ETV6: variants seen among roughly 807,000 people sequenced by gnomAD.
ETV6 encodes ETS variant transcription factor 6.
ETV6 carries 16 observed loss-of-function variants against 51.1 expected under a neutral mutation model. The observed-to-expected ratio is 0.31, with a 90% CI of 0.21 to 0.48. ETV6 has a LOEUF of 0.48. ETV6 is among the 20% of genes least tolerant of loss of function. ETV6 has a pLI of 0.99. For missense variants in ETV6, 458 were observed against 594.8 expected, an observed-to-expected ratio of 0.77 and a Z score of 2.39; for synonymous variants, 240 against 224.1, an observed-to-expected ratio of 1.07 and a Z score of -0.64.
At chr12:11,844,774 AGT>A (rs1946436481) in intron 3 of ETV6, among the ~76,000 whole-genome samples, 1 of 151,174 alleles carries the variant, frequency 6.6e-6, no homozygotes, top group African/African-American at 2.4e-5. Flanking sequence ...AAAAAAAAAA[AGT>A]GTATCACACA....
chr12:11,732,850 A>C (rs1196899468), intron 1 of ETV6, among the ~76,000 whole-genome samples: 1 of 152,226 alleles, frequency 6.6e-6, no homozygotes, highest in Non-Finnish European at 1.5e-5. Flanking sequence ...TACAAGTTTC[A>C]AAAAATATAT....
chr12:11,844,592 G>A (rs1421351693), intron 3 of ETV6, among the ~76,000 whole-genome samples: 1 of 152,152 alleles, frequency 6.6e-6, no homozygotes, highest in Non-Finnish European at 1.5e-5. Context: ...AGGTTTGCCA[G>A]ATTGAAGGGC....
intron 2 of ETV6, among the ~76,000 whole-genome samples, chr12:11,809,810 T>C (rs1945886198): frequency 6.9e-6 from 1 of 145,818 alleles, no homozygotes; most frequent in South Asian, 2.2e-4. Flanking sequence ...ATAGAGCTTC[T>C]GCTTTTTTTT....
intron 2 of ETV6, among the ~76,000 whole-genome samples, chr12:11,811,480 C>CTCCTTT (rs1945912578): frequency 6.6e-6 from 1 of 152,070 alleles, no homozygotes; most frequent in Admixed American, 6.6e-5. Flanking sequence ...TAGCAGTTTA[C>CTCCTTT]TCCTTGAGCA....
In ETV6 at chr12:11,672,718, G is replaced by A. The variant is rs1014771221; in HGVS notation, c.33+22558G>A. 2.6e-5 allele frequency among the ~76,000 whole-genome samples: 4 copies of A among 152,190 alleles called. No individual in the cohort carries two copies. In the East Asian group the frequency reaches 5.8e-4, roughly 22 times the overall value. ...GAAATCTCACTGACCCCCACCACAC[G>A]TGTTAACAGCAGGGCCACTGCTCTG... On this transcript the variant is annotated intron_variant, in intron 1 of 7. Transcript: ENST00000396373.
At chr12:11,721,599 A>G (rs116616842) in intron 1 of ETV6, among the ~76,000 whole-genome samples, 2,791 of 152,310 alleles carry the variant, frequency 0.018, 86 homozygotes, top group African/African-American at 0.063. Context: ...GAGGGGGTTA[A>G]TGAGTCAGAA....
Position 11,859,136 on chromosome 12 carries a change from T to C in ETV6, c.463+5575T>C, listed in dbSNP as rs1465100164. On this transcript the variant is annotated intron_variant, in intron 4 of 7. Transcript: ENST00000396373. The stretch of plus-strand genomic sequence containing the variant: ...TGAATCTGGTTTTTTTTTTTTTTTT[T>C]TTTTTTTTTTTTTTTTTTTTTTTGA... Among the ~76,000 whole-genome samples, 106 of 96,262 alleles carry C rather than the reference T, an allele frequency of 1.1e-3. 15 individuals carry two copies. The highest frequency in any genetic ancestry group is 4.5e-3 in the African/African-American group (93 of 20,722). The allele number at this position is 96,262 out of a possible 152,430, so 63.2% of individuals were successfully genotyped here.
rs980048151 is a variant in ETV6 at position 11,836,792 on chromosome 12, G to C, written c.164-2348G>C. Among the ~76,000 whole-genome samples the C allele has an allele frequency of 2.0e-5, 3 of 151,424 alleles. 1 individual carries two copies. The highest frequency in any genetic ancestry group is 4.4e-5 in the Non-Finnish European group (3 of 67,958). On this transcript the variant is annotated intron_variant, in intron 2 of 7. Transcript: ENST00000396373. ...CCAAGCAGGATTCAGTTCTGTATTT[G>C]CTTTGGGGCCCATGTTTCCAATAAG...
At chr12:11,873,382 G>T (rs1418989184) in intron 5 of ETV6, among the ~76,000 whole-genome samples, 1 of 152,152 alleles carries the variant, frequency 6.6e-6, no homozygotes, top group Non-Finnish European at 1.5e-5. Flanking sequence ...AATTGATTCT[G>T]TTTATTGGAG....
intron 1 of ETV6, among the ~76,000 whole-genome samples, chr12:11,663,823 A>T (rs570483257): frequency 6.6e-6 from 1 of 152,142 alleles, no homozygotes; most frequent in East Asian, 1.9e-4. Context: ...CTGAAAAAAT[A>T]AAGTGTTGTT....
At chr12:11,755,080 T>C (rs1006038085) in intron 2 of ETV6, among the ~76,000 whole-genome samples, 11 of 152,170 alleles carry the variant, frequency 7.2e-5, no homozygotes, top group Non-Finnish European at 1.5e-4. Context: ...TTAGTAAATA[T>C]TTATTGGATG....
intron 1 of ETV6, among the ~76,000 whole-genome samples, chr12:11,687,936 T>C (rs1468532358): frequency 6.6e-6 from 1 of 152,260 alleles, no homozygotes; most frequent in Non-Finnish European, 1.5e-5. Flanking sequence ...TCCCGTGTGC[T>C]AAGTACTGAT....
At chr12:11,838,814 A>G (rs1946350499) in intron 2 of ETV6, among the ~76,000 whole-genome samples, 1 of 152,242 alleles carries the variant, frequency 6.6e-6, no homozygotes, top group South Asian at 2.1e-4. Context: ...GCAGGTCTCT[A>G]AGACCTACCA....
rs1044569974 is a variant in ETV6 at position 11,887,952 on chromosome 12, T to C, written c.1253+1926T>C. On this transcript the variant is annotated intron_variant, in intron 7 of 7. Coordinates refer to ENST00000396373, the MANE Select transcript of ETV6 (RefSeq NM_001987.5). ...TTCTGTGTTGCAGGGGCTAGAAGCC[T>C]GGGAACTACATTTCCCAGAAGGGAC... Among the ~76,000 whole-genome samples, 6 of 152,148 alleles carry C rather than the reference T, an allele frequency of 3.9e-5. No homozygotes were observed. In the East Asian group the frequency reaches 1.2e-3, roughly 29 times the overall value.
chr12:11,682,036 G>A (rs1864540516), intron 1 of ETV6, among the ~76,000 whole-genome samples: 1 of 152,172 alleles, frequency 6.6e-6, no homozygotes, highest in Non-Finnish European at 1.5e-5. Context: ...ACATACGTGT[G>A]CATGTGTCTT....
intron 1 of ETV6, among the ~76,000 whole-genome samples, chr12:11,696,869 T>C (rs999899678): frequency 2.0e-5 from 3 of 152,174 alleles, no homozygotes; most frequent in African/African-American, 7.2e-5. Flanking sequence ...TACTAAATAT[T>C]GTATTTCCTC....
At chr12:11,669,373 TCCTC>T (rs1555112288) in intron 1 of ETV6, among the ~76,000 whole-genome samples, 3,266 of 129,430 alleles carry the variant, frequency 0.025, 175 homozygotes, top group African/African-American at 0.1. Flanking sequence ...CTTCCTCCCT[TCCTC>T]CCTCCCTCCC....
chr12:11,879,437 GC>G (rs1489666406), intron 5 of ETV6, among the ~76,000 whole-genome samples: 1 of 152,096 alleles, frequency 6.6e-6, no homozygotes, highest in Non-Finnish European at 1.5e-5. Context: ...TGTGTGAATT[GC>G]CCATCTTTTT....
intron 1 of ETV6, among the ~76,000 whole-genome samples, chr12:11,692,933 G>A (rs755428283): frequency 2.0e-5 from 3 of 152,086 alleles, no homozygotes; most frequent in Non-Finnish European, 2.9e-5. Context: ...CTAGCTACCC[G>A]GGAGGCTAAG....
Sources: gnomAD v4.1 joint callset for allele counts (sites outside exome capture counted in the v4.1 genomes callset) on GRCh38, gnomAD v4.1.1 for gene constraint, MANE v1.5 for transcripts, NCBI Gene and HGNC (gene_info 2026-07-23, HGNC 2026-07-21) for gene names.